ASAP1: variants seen among roughly 807,000 people sequenced by gnomAD.
The protein encoded by ASAP1 is arf-GAP with SH3 domain, ANK repeat and PH domain-containing protein 1.
A neutral mutation model predicts 145.2 loss-of-function variants in ASAP1; 43 were observed. That is an observed-to-expected ratio of 0.30 (90% confidence interval 0.23 to 0.38). ASAP1 has a LOEUF of 0.38. ASAP1 is among the 10% of genes least tolerant of loss of function. The pLI is 1.00. For synonymous variants in ASAP1, 546 were observed against 515.5 expected (o/e 1.06, Z -0.80); for missense variants, 1,018 against 1,355.3 (o/e 0.75, Z 3.91).
At chr8:130,086,561 T>C (rs545866525) in intron 25 of ASAP1, among the ~76,000 whole-genome samples, 1 of 152,172 alleles carries the variant, frequency 6.6e-6, no homozygotes, top group Non-Finnish European at 1.5e-5. Context: ...CTCCAGCACT[T>C]TGGGAGGCCA....
At chr8:130,319,442 C>T (rs547455495) in intron 3 of ASAP1, among the ~76,000 whole-genome samples, 18 of 152,306 alleles carry the variant, frequency 1.2e-4, no homozygotes, top group African/African-American at 4.1e-4. Flanking sequence ...GTGGGGATTG[C>T]TCCAGGCCCT....
chr8:130,415,323 T>G (rs953591359), intron 1 of ASAP1, among the ~76,000 whole-genome samples: 3 of 150,730 alleles, frequency 2.0e-5, no homozygotes, highest in Admixed American at 2.0e-4. Flanking sequence ...TAAAAACTAG[T>G]GGGGTGTGGT....
chr8:130,300,659 G>A lies in ASAP1; in HGVS notation c.186+57358C>T, dbSNP rs146076899. ...CTAATAGTTCTCAACAGATAATGAAGTTGAAAGAACCTGAACTGGATTGGG... is the reference window on the plus strand; with the variant it reads ...CTAATAGTTCTCAACAGATAATGAAATTGAAAGAACCTGAACTGGATTGGG... On this transcript the variant is annotated intron_variant, in intron 3 of 29. Coordinates refer to ENST00000518721, the MANE Select transcript of ASAP1 (RefSeq NM_018482.4). Among the ~76,000 whole-genome samples the A allele has an allele frequency of 5.9e-5, 9 of 152,314 alleles. No homozygotes were observed. In the East Asian group the frequency reaches 1.5e-3, roughly 26 times the overall value.
chr8:130,303,815 CT>C (rs1822821727), intron 3 of ASAP1, among the ~76,000 whole-genome samples: 6 of 152,050 alleles, frequency 3.9e-5, no homozygotes, highest in Admixed American at 3.9e-4. Flanking sequence ...ATTTTTAGTG[CT>C]GCTAAAACTA....
intron 24 of ASAP1, among the ~76,000 whole-genome samples, chr8:130,095,294 A>ATTTTTTTTTTTTTTTTTTTTTTTTTTTT (rs71302392): frequency 1.0e-5 from 1 of 95,704 alleles, no homozygotes; most frequent in Non-Finnish European, 2.0e-5. Flanking sequence ...TAGGCCAGTG[A>ATTTTTTTTTTTTTTTTTTTTTTTTTTTT]TTTTTTTTTT....
chr8:130,126,460 C>T (rs1293602739), intron 16 of ASAP1, among the ~76,000 whole-genome samples: 1 of 152,120 alleles, frequency 6.6e-6, no homozygotes, highest in African/African-American at 2.4e-5. Context: ...CCATCATTAA[C>T]CTCCAAGTTG....
chr8:130,053,446 C>G lies in ASAP1; in HGVS notation c.*1285G>C, dbSNP rs1316342177. On this transcript the variant is annotated 3_prime_UTR_variant, in exon 30 of 30. Coordinates refer to ENST00000518721, the MANE Select transcript of ASAP1 (RefSeq NM_018482.4). ...AAACATGGCTGGGATGAAAAGAAAA[C>G]TGAGAGGGAAGAGTGCTTTTCACAG... 5.3e-5 allele frequency: 8 copies of G among 152,056 alleles called. No homozygotes were observed. 9.4% of individuals were successfully genotyped at this position (152,056 alleles called of 1,614,324 possible). A position where few individuals can be genotyped will look rare whatever the true frequency, so the allele number is the denominator to read the frequency against.
At chr8:130,183,261 ATTT>A (rs34081670) in intron 7 of ASAP1, among the ~76,000 whole-genome samples, 1 of 149,244 alleles carries the variant, frequency 6.7e-6, no homozygotes, top group Non-Finnish European at 1.5e-5. Context: ...AAGGTATCAG[ATTT>A]TTTTTTTTAT....
chr8:130,082,438 C>T (rs992590625), intron 25 of ASAP1, among the ~76,000 whole-genome samples: 2 of 149,632 alleles, frequency 1.3e-5, no homozygotes, highest in Non-Finnish European at 3.0e-5. Context: ...CTGAGACCAA[C>T]TGATCCTCCC....
At chr8:130,236,701 TA>T (rs1250633484) in intron 4 of ASAP1, among the ~76,000 whole-genome samples, 15 of 152,274 alleles carry the variant, frequency 9.9e-5, no homozygotes, top group African/African-American at 3.6e-4. Flanking sequence ...AAGTGTACAG[TA>T]AAATCCACTG....
At position 130,358,426 on chromosome 8, in the gene ASAP1, C is replaced by T. The variant is rs1281107053; in HGVS notation, c.60-283G>A. Reference sequence around the variant, plus strand: ...GGGACCCGCCTCCCTCTGCTCATGCCGGCGGCGGCAGCTCCTCAGCGGCGG... The same window carrying T: ...GGGACCCGCCTCCCTCTGCTCATGCTGGCGGCGGCAGCTCCTCAGCGGCGG... On this transcript the variant is annotated intron_variant, in intron 2 of 29. Transcript: ENST00000518721. The surrounding 1 kb of genome is among the most constrained non-coding windows in gnomAD (Gnocchi z 4.1). 6.8e-6 allele frequency among the ~76,000 whole-genome samples: 1 copy of T among 148,084 alleles called. No homozygotes were observed. The highest frequency in any genetic ancestry group is 2.1e-4 in the South Asian group (1 of 4,814).
intron 26 of ASAP1, among the ~76,000 whole-genome samples, chr8:130,077,470 C>A (rs1231204960): frequency 1.3e-5 from 2 of 151,792 alleles, no homozygotes; most frequent in Admixed American, 6.6e-5. Context: ...TGCCAAGAAC[C>A]CCTTTATTAT....
intron 3 of ASAP1, among the ~76,000 whole-genome samples, chr8:130,348,822 C>T (rs546261060): frequency 3.3e-4 from 51 of 152,296 alleles, no homozygotes; most frequent in African/African-American, 1.0e-3. Context: ...AGGGCCAAGG[C>T]ATAAATGTTT....
chr8:130,223,341 G>T (rs1817404697), intron 4 of ASAP1, among the ~76,000 whole-genome samples: 1 of 152,142 alleles, frequency 6.6e-6, no homozygotes, highest in South Asian at 2.1e-4. Context: ...CTTGGAAATG[G>T]CACTTAACTT....
At chr8:130,328,478 T>C (rs904803685) in intron 3 of ASAP1, among the ~76,000 whole-genome samples, 4 of 152,190 alleles carry the variant, frequency 2.6e-5, no homozygotes, top group South Asian at 2.1e-4. Context: ...ATCTGCCCCC[T>C]GTGGTAGGCC....
At chr8:130,065,822 T>C (rs180754435) in intron 27 of ASAP1, among the ~76,000 whole-genome samples, 85 of 152,310 alleles carry the variant, frequency 5.6e-4, no homozygotes, top group Admixed American at 4.0e-3. Flanking sequence ...ACAAACACTT[T>C]CATAATCGTG....
intron 3 of ASAP1, among the ~76,000 whole-genome samples, chr8:130,251,477 G>A (rs1819196263): frequency 6.6e-6 from 1 of 151,666 alleles, no homozygotes; most frequent in Non-Finnish European, 1.5e-5. Context: ...ACAAAGTTAG[G>A]CCTCAAAAAA....
chr8:130,390,942 C>CCCCCCA (rs1828254312), intron 2 of ASAP1, among the ~76,000 whole-genome samples: 1 of 149,430 alleles, frequency 6.7e-6, no homozygotes, highest in Non-Finnish European at 1.5e-5. Flanking sequence ...ATCCCCCGCC[C>CCCCCCA]CCCCAAAATT....
At chr8:130,322,857 A>G (rs1398435429) in intron 3 of ASAP1, among the ~76,000 whole-genome samples, 1 of 152,178 alleles carries the variant, frequency 6.6e-6, no homozygotes, top group African/African-American at 2.4e-5. Context: ...GAGCAGTGGG[A>G]AAAGATCATT....
Sources: allele counts gnomAD v4.1 joint callset (sites outside exome capture counted in the v4.1 genomes callset), GRCh38; gene constraint gnomAD v4.1.1; non-coding constraint Gnocchi (gnomAD v3.1); transcripts MANE v1.5; gene names NCBI Gene and HGNC (gene_info 2026-07-23, HGNC 2026-07-21).